The following IPO4 variants were observed in gnomAD, a reference collection of about 807,000 sequenced individuals.
The protein encoded by IPO4 is importin-4.
IPO4 carries 91 observed loss-of-function variants against 133.5 expected under a neutral mutation model. The observed-to-expected ratio is 0.68, with a 90% CI of 0.58 to 0.81. The LOEUF (loss-of-function observed/expected upper bound fraction) is 0.81, where lower values mean the gene tolerates loss of function less well. Among genes scored for constraint, IPO4 ranks in the 30% least tolerant of loss-of-function variants. The pLI is 0.00. For synonymous variants in IPO4, 607 were observed against 581.6 expected, an observed-to-expected ratio of 1.04 and a Z score of -0.63; for missense variants, 1,279 against 1,386.2, an observed-to-expected ratio of 0.92 and a Z score of 1.23.
In IPO4 at chr14:24,183,337, G is replaced by A. The variant is rs773284343; in HGVS notation, c.2140C>T (p.Arg714Trp). The change falls in exon 22 of 30, where the codon CGG becomes TGG. Residue 714 changes from arginine to tryptophan, a missense_variant. Transcript: ENST00000354464. ...CCCAGAGCCTCATGGGCTGCCTTCC[G>A]CACATTCAGGTGAGGGCACTGCAGG... ...KLLECPHLNVRKAAHEALGQF... is the reference protein window; with the variant it reads ...KLLECPHLNVWKAAHEALGQF... 1 of 1,610,862 alleles carries A rather than the reference G, an allele frequency of 6.2e-7. No homozygotes were observed.
At position 24,183,316 on chromosome 14, in the gene IPO4, G is replaced by A. The variant is rs377656550; in HGVS notation, c.2161C>T (p.Leu721=). The change falls in exon 22 of 30, where the codon CTG becomes TTG. Residue 721 remains leucine, a synonymous_variant. Coordinates refer to ENST00000354464, the MANE Select transcript of IPO4 (RefSeq NM_024658.4). ...TGCAGTGCACAGCAAAACTGACCCA[G>A]AGCCTCATGGGCTGCCTTCCGCACA... ...LNVRKAAHEA[L]GQFCCALHKA... is the part of the protein sequence containing the mutation. The A allele has an allele frequency of 6.2e-7, 1 of 1,613,014 alleles. No homozygotes were observed. The highest frequency in any genetic ancestry group is 8.5e-7 in the Non-Finnish European group (1 of 1,179,578).
At chr14:24,182,710 C>A in intron 24 of IPO4, 82 bp downstream of exon 24, 3 of 1,530,544 alleles carry the variant, frequency 2.0e-6, no homozygotes, top group East Asian at 4.5e-5. Context: ...TGCCCCAGGC[C>A]AAGCCCAAAT....
Position 24,185,842 on chromosome 14 carries a change from G to A in IPO4, c.1169+19C>T. On this transcript the variant is annotated intron_variant, in intron 12 of 29. Transcript: ENST00000354464. ...CCTCCCTGTGGGCAACCCTCACCCTGGGACAGGGGAATACATACCTCTGCC... is the reference window on the plus strand; with the variant it reads ...CCTCCCTGTGGGCAACCCTCACCCTAGGACAGGGGAATACATACCTCTGCC... 1 of 1,592,076 alleles carries A rather than the reference G, an allele frequency of 6.3e-7. No individual in the cohort carries two copies. Among genetic ancestry groups the A allele is most frequent in the Non-Finnish European group, 8.6e-7 (1 of 1,160,770 alleles).
In IPO4 at chr14:24,182,225, G is replaced by A. The variant is rs187904137; in HGVS notation, c.2598+53C>T. Reference sequence around the variant, plus strand: ...TGGGCCAAGGATAAAGGCTGTGGTGGGCACCGGGTGCACGAGGGGACTAGG... The same window carrying A: ...TGGGCCAAGGATAAAGGCTGTGGTGAGCACCGGGTGCACGAGGGGACTAGG... On this transcript the variant is annotated intron_variant, in intron 25 of 29. Coordinates refer to ENST00000354464, the MANE Select transcript of IPO4 (RefSeq NM_024658.4). 212 of 1,613,750 alleles carry A rather than the reference G, an allele frequency of 1.3e-4. 1 individual carries two copies. In the East Asian group the frequency reaches 3.6e-3, roughly 27 times the overall value.
chr14:24,184,666 C>T lies in IPO4; in HGVS notation c.1620G>A (p.Val540=), dbSNP rs200831985. 4.3e-5 allele frequency: 69 copies of T among 1,604,486 alleles called. 1 individual carries two copies. The Admixed American group carries it at 1.1e-3, about 27-fold the overall frequency. ...LLTGREDLQP[V]QIQSLETLGV... is the part of the protein sequence containing the mutation. The stretch of plus-strand genomic sequence containing the variant: ...CTCACTCACCCAGGCTCTGGATCTG[C>T]ACAGGCTGAAGGTCCTCACGGCCTG... The change falls in exon 16 of 30, where the codon GTG becomes GTA. Residue 540 remains valine (V), a synonymous_variant. Transcript: ENST00000354464.
At position 24,188,652 on chromosome 14, in the gene IPO4, A is replaced by G; in HGVS notation, c.70-14T>C. The G allele has an allele frequency of 6.2e-7, 1 of 1,607,844 alleles. No homozygotes were observed. Among genetic ancestry groups the G allele is most frequent in the Non-Finnish European group, 8.5e-7 (1 of 1,176,968 alleles). ...CTGTTCCGTGGCCTGGGGGGAAGCT[A>G]GGGGTGAGAGTTGGGCCTTTCCCGC... On this transcript the variant is annotated splice_polypyrimidine_tract_variant and intron_variant, in intron 1 of 29. Transcript: ENST00000354464.
intron 17 of IPO4, 70 bp from the exon 18 acceptor site, chr14:24,184,179 G>T (rs1849475995): frequency 6.4e-7 from 1 of 1,564,354 alleles, no homozygotes. Flanking sequence ...GGGAGCCCGG[G>T]AACACCTGGC....
Position 24,186,156 on chromosome 14 carries a change from C to T in IPO4, c.1032G>A (p.Leu344=). The T allele has an allele frequency of 1.2e-6, 2 of 1,613,976 alleles. No homozygotes were observed. The highest frequency in any genetic ancestry group is 1.7e-6 in the Non-Finnish European group (2 of 1,179,928). Reference sequence around the variant, plus strand: ...GCTGGGGACAGAGCTTCTCGGGGGGCAGGTGTAGTGCCAGCATGTCCACAA... The same window carrying T: ...GCTGGGGACAGAGCTTCTCGGGGGGTAGGTGTAGTGCCAGCATGTCCACAA... ...VQVVDMLALH[L]PPEKLCPQLM... is the part of the protein sequence containing the mutation. Residue 344 remains leucine (L), a synonymous_variant, in exon 11 of 30, where the codon CTG becomes CTA. Coordinates refer to ENST00000354464, the MANE Select transcript of IPO4 (RefSeq NM_024658.4).
At chr14:24,188,093 C>G in intron 4 of IPO4, 123 bp downstream of exon 4, 2 of 1,062,936 alleles carry the variant, frequency 1.9e-6, no homozygotes, top group Non-Finnish European at 2.8e-6. Context: ...CCTTAAAATC[C>G]TCACTCCACC....
chr14:24,184,887 A>G lies in IPO4; in HGVS notation c.1502T>C (p.Val501Ala). 6.2e-7 allele frequency: 1 copy of G among 1,614,034 alleles called. No homozygotes were observed. The highest frequency in any genetic ancestry group is 8.5e-7 in the Non-Finnish European group (1 of 1,179,982). Reference sequence around the variant, plus strand: ...CTCACCAATGGCTCCCAGGGCGCTCACAGCCAGCTCCTTGGCCCGGGGACT... The same window carrying G: ...CTCACCAATGGCTCCCAGGGCGCTCGCAGCCAGCTCCTTGGCCCGGGGACT... ...PSSPRAKELAVSALGAIATAA... is the reference protein window; with the variant it reads ...PSSPRAKELAASALGAIATAA... Residue 501 changes from valine (V) to alanine (A), a missense_variant, in exon 15 of 30, where the codon GTG becomes GCG. Physicochemically the swap from Val to Ala is moderately conservative, Grantham distance 64 (BLOSUM62 0). This residue lies in a region of IPO4 where 695 missense variants were observed against 704.1 expected (regional missense o/e 0.99). Coordinates refer to ENST00000354464, the MANE Select transcript of IPO4 (RefSeq NM_024658.4).
chr14:24,187,377 G>A (rs767227973), intron 6 of IPO4, 23 bp downstream of exon 6: 2 of 1,611,384 alleles, frequency 1.2e-6, no homozygotes, highest in Non-Finnish European at 1.7e-6. Context: ...GGGAGTCAAA[G>A]ATAACGAGGG....
rs1363479628 is a variant in IPO4, at chr14:24,185,944, C to T, written c.1086G>A (p.Arg362=). ...QLMPMLEEAL[R]SESPYQRKAG... ...CTTTGCGCTGGTATGGGCTCTCGCT[C>T]CGCAAAGCCTCTTCCAACATGGGCA... Residue 362 remains arginine, a synonymous_variant, in exon 12 of 30, where the codon CGG becomes CGA. Coordinates refer to ENST00000354464, the MANE Select transcript of IPO4 (RefSeq NM_024658.4). 6.2e-7 allele frequency: 1 copy of T among 1,614,114 alleles called. No homozygotes were observed. The highest frequency in any genetic ancestry group is 2.2e-5 in the East Asian group (1 of 44,880).
chr14:24,188,728 G>A lies in IPO4; in HGVS notation c.60C>T (p.Arg20=), dbSNP rs375524995. 114 of 1,563,774 alleles carry A rather than the reference G, an allele frequency of 7.3e-5. No individual in the cohort carries two copies. In the African/African-American group the frequency reaches 1.0e-3, roughly 14 times the overall value. Residue 20 remains arginine, a synonymous_variant, in exon 1 of 30, where the codon CGC becomes CGT. Transcript: ENST00000354464. ...LRELLLPDTE[R]IRRATEQLQI... ...TACGCCTGCTCCGTACCCGACGGAT[G>A]CGCTCGGTGTCCGGTAGCAGCAGCT...
At position 24,184,085 on chromosome 14, in the gene IPO4, C is replaced by G. The variant is rs756674360; in HGVS notation, c.1782G>C (p.Ser594=). The change falls in exon 18 of 30, where the codon TCG becomes TCC. Residue 594 remains serine, a synonymous_variant. Coordinates refer to ENST00000354464, the MANE Select transcript of IPO4 (RefSeq NM_024658.4). ...GCGCCAGGCCCTCACCCATCAGACCCGATAAGGCTGCAAATAGGCTGTACC... is the reference window on the plus strand; with the variant it reads ...GCGCCAGGCCCTCACCCATCAGACCGGATAAGGCTGCAAATAGGCTGTACC... The part of the protein sequence containing the change: ...RCTYSLFAAL[S]GLMGEGLAPH... 8 of 1,612,572 alleles carry G rather than the reference C, an allele frequency of 5.0e-6. No individual in the cohort carries two copies. In the East Asian group the frequency reaches 1.6e-4, roughly 31 times the overall value.
intron 14 of IPO4, 60 bp from the exon 15 acceptor site, chr14:24,185,040 C>T: frequency 6.3e-7 from 1 of 1,591,212 alleles, no homozygotes; most frequent in South Asian, 1.1e-5. Context: ...ACGCCCACCT[C>T]CCTCCAGGCG....
rs767175305 is a variant in IPO4 at position 24,188,685 on chromosome 14, C to G, written c.69+34G>C. 5 of 1,600,074 alleles carry G rather than the reference C, an allele frequency of 3.1e-6. No individual in the cohort carries two copies. The Admixed American group carries it at 6.8e-5, about 22-fold the overall frequency. ...GAGTTGGGCCTTTCCCGCAACCTCC[C>G]GCTCGCCCTGGCCCGGTTACGCCTG... is the stretch of plus-strand genomic sequence containing the variant. On this transcript the variant is annotated intron_variant, in intron 1 of 29. Transcript: ENST00000354464.
At position 24,186,122 on chromosome 14, in the gene IPO4, C is replaced by T; in HGVS notation, c.1059+7G>A. On this transcript the variant is annotated splice_region_variant and intron_variant, in intron 11 of 29. Transcript: ENST00000354464. The stretch of plus-strand genomic sequence containing the variant: ...TAGGGACACCAGAAGGACAGAGCCA[C>T]ACTTACCAGCTGGGGACAGAGCTTC... 1 of 1,613,820 alleles carries T rather than the reference C, an allele frequency of 6.2e-7. No homozygotes were observed. The highest frequency in any genetic ancestry group is 8.5e-7 in the Non-Finnish European group (1 of 1,179,936).
Position 24,183,673 on chromosome 14 carries a change from G to A in IPO4, c.1986-6C>T. ...AGGCATTCTCCACGCTGTACCTAGA[G>A]TAAGAAGGGGAGGCAGTGGTGATCA... On this transcript the variant is annotated splice_region_variant and splice_polypyrimidine_tract_variant and intron_variant, in intron 19 of 29. Transcript: ENST00000354464. 3.1e-6 allele frequency: 5 copies of A among 1,614,152 alleles called. No homozygotes were observed. In the South Asian group the frequency reaches 5.5e-5, roughly 18 times the overall value.
In IPO4 at chr14:24,181,747, C is replaced by T; in HGVS notation, c.2904G>A (p.Leu968=). The T allele has an allele frequency of 6.2e-7, 1 of 1,602,086 alleles. No homozygotes were observed. The highest frequency in any genetic ancestry group is 8.5e-7 in the Non-Finnish European group (1 of 1,172,418). ...RDNICGALAR[L]LMASPTRKPE... ...GTTTCCTGGTGGGACTGGCCATCAA[C>T]AGGCGGGCAAGTGCCCCACAGATGT... Residue 968 remains leucine, a synonymous_variant, in exon 27 of 30, where the codon CTG becomes CTA. Transcript: ENST00000354464.
Sources: gnomAD v4.1 joint callset for allele counts on GRCh38, gnomAD v4.1.1 for gene constraint, gnomAD v4.1.1 regional missense constraint, MANE v1.5 for transcripts, NCBI Gene and HGNC (gene_info 2026-07-23, HGNC 2026-07-21) for gene names.